The following GLCE variants were observed in gnomAD, a reference collection of about 807,000 sequenced individuals.
GLCE encodes the protein glucuronic acid epimerase.
In GLCE, 19 loss-of-function variants were observed where a neutral mutation model predicts 47.9. The ratio of observed to expected loss-of-function variants is 0.40; its 90% confidence interval spans 0.28 to 0.58. The LOEUF is 0.58. Among genes scored for constraint, GLCE ranks in the 20% least tolerant of loss-of-function variants. The pLI, the probability that GLCE is intolerant of heterozygous loss-of-function variation, is 0.48. For missense variants in GLCE, 556 were observed against 743.3 expected, an observed-to-expected ratio of 0.75 and a Z score of 2.93; for synonymous variants, 245 against 263.4, an observed-to-expected ratio of 0.93 and a Z score of 0.68.
chr15:69,253,562 G>A (rs779249525), intron 2 of GLCE, among the ~76,000 whole-genome samples: 1 of 152,178 alleles, frequency 6.6e-6, no homozygotes, highest in Non-Finnish European at 1.5e-5. Context: ...AAAATGGCCA[G>A]TGGAAAAAGT....
chr15:69,177,457 AG>A (rs139091356), intron 1 of GLCE, among the ~76,000 whole-genome samples: 1,749 of 152,312 alleles, frequency 0.011, 27 homozygotes, highest in African/African-American at 0.038. Flanking sequence ...ATATGTTATG[AG>A]TCCCTTAGTA....
chr15:69,269,883 A>G lies in GLCE; in HGVS notation c.*639A>G, dbSNP rs1022172357. 6.6e-6 allele frequency: 1 copy of G among 152,660 alleles called. No homozygotes were observed. The allele number at this position is 152,660 out of a possible 1,614,324, so 9.5% of individuals were successfully genotyped here. On this transcript the variant is annotated 3_prime_UTR_variant, in exon 5 of 5. Coordinates refer to ENST00000261858, the MANE Select transcript of GLCE (RefSeq NM_015554.3). Reference sequence around the variant, plus strand: ...TCAGTGTTCAGGCTTCAGTTATATAATGTAAGCACAACTAAAATGAAACTT... The same window carrying G: ...TCAGTGTTCAGGCTTCAGTTATATAGTGTAAGCACAACTAAAATGAAACTT...
intron 2 of GLCE, among the ~76,000 whole-genome samples, chr15:69,233,930 T>G (rs938111780): frequency 1.3e-5 from 2 of 151,968 alleles, no homozygotes; most frequent in African/African-American, 4.8e-5. Flanking sequence ...CATACATACA[T>G]ATGAAATATA....
chr15:69,229,238 A>G (rs2052488203), intron 2 of GLCE, among the ~76,000 whole-genome samples: 2 of 152,258 alleles, frequency 1.3e-5, no homozygotes, highest in African/African-American at 4.8e-5. Context: ...TTGGCTTTAA[A>G]GAAATAAAGC....
At chr15:69,210,181 C>T (rs535858267) in intron 1 of GLCE, 135 bp from the exon 2 acceptor site, 12 of 152,124 alleles carry the variant, frequency 7.9e-5, no homozygotes, top group Non-Finnish European at 1.6e-4. Flanking sequence ...GCTACTGTTA[C>T]TTTTCAAAGT....
intron 2 of GLCE, among the ~76,000 whole-genome samples, chr15:69,213,002 T>G (rs2052253902): frequency 1.3e-5 from 2 of 152,112 alleles, no homozygotes; most frequent in Admixed American, 1.3e-4. Context: ...TTTATACACG[T>G]AATTTGCTAT....
At chr15:69,263,866 CT>C (rs1035456497) in intron 4 of GLCE, among the ~76,000 whole-genome samples, 2 of 151,820 alleles carry the variant, frequency 1.3e-5, no homozygotes, top group East Asian at 1.9e-4. Context: ...GATTTAAAGG[CT>C]TTTTTTCCCA....
In GLCE at chr15:69,271,068, A is replaced by T. The variant is rs777139469; in HGVS notation, c.*1824A>T. On this transcript the variant is annotated 3_prime_UTR_variant, in exon 5 of 5. Transcript: ENST00000261858. ...TGGTTCATACGTCTGCTTTGTTTGC[A>T]TACTGGTCTTCAGATTATGAGACTC... The T allele has an allele frequency of 6.6e-6, 1 of 152,636 alleles. No individual in the cohort carries two copies. Among genetic ancestry groups the T allele is most frequent in the Non-Finnish European group, 1.5e-5 (1 of 68,030 alleles). The allele number at this position is 152,636 out of a possible 1,614,324, so 9.5% of individuals were successfully genotyped here.
chr15:69,165,888 T>G (rs1332572781), intron 1 of GLCE, among the ~76,000 whole-genome samples: 1 of 152,214 alleles, frequency 6.6e-6, no homozygotes. Flanking sequence ...TAAAGTATCT[T>G]ATTCTCTTGC....
chr15:69,166,451 A>T (rs1259935123), intron 1 of GLCE, among the ~76,000 whole-genome samples: 1 of 152,242 alleles, frequency 6.6e-6, no homozygotes, highest in East Asian at 1.9e-4. Flanking sequence ...CAAAAAAGCT[A>T]AAGTAGACAA....
chr15:69,186,381 A>G (rs1014717253), intron 1 of GLCE, among the ~76,000 whole-genome samples: 3 of 152,224 alleles, frequency 2.0e-5, no homozygotes, highest in African/African-American at 7.2e-5. Context: ...TATAGGGGTT[A>G]GGAGCCAGGA....
At chr15:69,190,922 A>G (rs2051902305) in intron 1 of GLCE, among the ~76,000 whole-genome samples, 1 of 151,994 alleles carries the variant, frequency 6.6e-6, no homozygotes, top group Non-Finnish European at 1.5e-5. Context: ...TGTCTTAGGA[A>G]CTTTGCCTCT....
At chr15:69,244,990 A>G (rs908184792) in intron 2 of GLCE, among the ~76,000 whole-genome samples, 8 of 152,184 alleles carry the variant, frequency 5.3e-5, no homozygotes, top group African/African-American at 1.9e-4. Flanking sequence ...AGTTATGTTT[A>G]TTCTGTACTG....
intron 1 of GLCE, among the ~76,000 whole-genome samples, chr15:69,180,416 G>A (rs2051734327): frequency 6.6e-6 from 1 of 152,156 alleles, no homozygotes; most frequent in Non-Finnish European, 1.5e-5. Flanking sequence ...TAAGTTTACA[G>A]CATGTTAGAA....
chr15:69,175,342 G>A (rs1033328976), intron 1 of GLCE, among the ~76,000 whole-genome samples: 2 of 151,974 alleles, frequency 1.3e-5, no homozygotes, highest in African/African-American at 4.8e-5. Flanking sequence ...CAATGTCTTT[G>A]TCATTAGCCC....
At chr15:69,263,816 G>A (rs927451777) in intron 4 of GLCE, among the ~76,000 whole-genome samples, 1 of 151,974 alleles carries the variant, frequency 6.6e-6, no homozygotes, top group African/African-American at 2.4e-5. Flanking sequence ...TTGATTAAAC[G>A]AATGGATTGA....
intron 2 of GLCE, among the ~76,000 whole-genome samples, chr15:69,229,101 A>G (rs1350334702): frequency 6.6e-6 from 1 of 152,384 alleles, no homozygotes; most frequent in South Asian, 2.1e-4. Context: ...AGCTATGCTA[A>G]TATCAGGCAA....
intron 1 of GLCE, among the ~76,000 whole-genome samples, chr15:69,188,193 C>G (rs1333564382): frequency 2.0e-5 from 3 of 152,112 alleles, no homozygotes; most frequent in Non-Finnish European, 4.4e-5. Context: ...AAGATTGCCA[C>G]TGCACTCCAG....
intron 1 of GLCE, among the ~76,000 whole-genome samples, chr15:69,181,315 T>C (rs1380973401): frequency 6.6e-6 from 1 of 152,150 alleles, no homozygotes; most frequent in Non-Finnish European, 1.5e-5. Context: ...TAGATGCTAT[T>C]TAAAGAAATC....
Sources: allele counts gnomAD v4.1 joint callset (sites outside exome capture counted in the v4.1 genomes callset), GRCh38; gene constraint gnomAD v4.1.1; transcripts MANE v1.5; gene names NCBI Gene and HGNC (gene_info 2026-07-23, HGNC 2026-07-21).